The following COL18A1 variants were observed in gnomAD, a reference collection of about 807,000 sequenced individuals.
The protein encoded by COL18A1 is collagen alpha-1(XVIII) chain.
A neutral mutation model predicts 168.0 loss-of-function variants in COL18A1; 133 were observed. The ratio of observed to expected loss-of-function variants is 0.79; its 90% CI spans 0.69 to 0.91. The LOEUF (loss-of-function observed/expected upper bound fraction) is 0.91, where lower values mean the gene tolerates loss of function less well. COL18A1 is among the 40% of genes least tolerant of loss of function. The pLI is 0.00. For missense variants in COL18A1, 2,126 were observed against 1,925.4 expected, an observed-to-expected ratio of 1.10 and a Z score of -1.95; for synonymous variants, 949 against 809.0, an observed-to-expected ratio of 1.17 and a Z score of -2.94.
At position 45,437,688 on chromosome 21, in the gene COL18A1, GCA is replaced by G. The variant is rs777364868; in HGVS notation, c.107-30538_107-30537del. On this transcript the variant is annotated intron_variant, in intron 2 of 41. Coordinates refer to ENST00000651438, the MANE Select transcript of COL18A1 (RefSeq NM_001379500.1). ...CACTCAGACACACAGGCACTCTCCTGCACACACACACACACACTCAGACACAC... is the reference window on the plus strand; with the variant it reads ...CACTCAGACACACAGGCACTCTCCTGCACACACACACACACTCAGACACAC... Among the ~76,000 whole-genome samples the G allele has an allele frequency of 6.0e-3, 196 of 32,714 alleles. 11 individuals carry two copies. The highest frequency in any genetic ancestry group is 0.011 in the African/African-American group (56 of 5,032). 21.5% of individuals were successfully genotyped at this position (32,714 alleles called of 152,430 possible).
In COL18A1 at chr21:45,425,242, G is replaced by A. The variant is rs532569164; in HGVS notation, c.106+19769G>A. ...TGCTGAGTGCAGTGTGACCGCGTCCGCCCGTCTCCCCGGACACGCCTGTTG... is the reference window on the plus strand; with the variant it reads ...TGCTGAGTGCAGTGTGACCGCGTCCACCCGTCTCCCCGGACACGCCTGTTG... On this transcript the variant is annotated intron_variant, in intron 2 of 41. Transcript: ENST00000651438. This position sits in a 1 kb window ranked among gnomAD's most constrained non-coding sequence, Gnocchi z 4.1. Among the ~76,000 whole-genome samples, 31 of 151,980 alleles carry A rather than the reference G, an allele frequency of 2.0e-4. No homozygotes were observed. The highest frequency in any genetic ancestry group is 7.2e-4 in the African/African-American group (30 of 41,458).
chr21:45,487,086 T>A (rs996463518), intron 16 of COL18A1, 94 bp downstream of exon 16: 1 of 1,247,548 alleles, frequency 8.0e-7, no homozygotes, highest in African/African-American at 1.5e-5. Context: ...GAGCAGCACG[T>A]CCTGGGCGGT....
rs2035535926 is a variant in COL18A1 at position 45,473,858 on chromosome 21, A to C, written c.652-37A>C. ...GCACCGGGGTTGCCACTGCCACCTC[A>C]GGACCGCTGGTGACCCCTTTCTCTG... On this transcript the variant is annotated intron_variant, in intron 3 of 41. Transcript: ENST00000651438. This position sits in a 1 kb window ranked among gnomAD's most constrained non-coding sequence, Gnocchi z 4.0. 11 of 1,543,812 alleles carry C rather than the reference A, an allele frequency of 7.1e-6. No homozygotes were observed. The highest frequency in any genetic ancestry group is 1.4e-5 in the African/African-American group (1 of 73,214).
chr21:45,491,370 G>A, intron 22 of COL18A1, 56 bp downstream of exon 22: 2 of 996,370 alleles, frequency 2.0e-6, no homozygotes, highest in East Asian at 5.1e-5. Context: ...ACGGGGTGCA[G>A]AGATCCCTCC....
At chr21:45,440,373 C>T (rs757645009) in intron 2 of COL18A1, among the ~76,000 whole-genome samples, 24 of 152,222 alleles carry the variant, frequency 1.6e-4, no homozygotes, top group South Asian at 6.2e-4. Flanking sequence ...TTCAGGCCTG[C>T]CAGGGGTCCA....
At chr21:45,501,267 T>G (rs886269893) in intron 32 of COL18A1, among the ~76,000 whole-genome samples, 10 of 152,034 alleles carry the variant, frequency 6.6e-5, no homozygotes, top group African/African-American at 1.9e-4. Context: ...AGTGAAAAAT[T>G]GGCAAAGTGA....
At chr21:45,475,311 G>C (rs2035607855) in intron 4 of COL18A1, among the ~76,000 whole-genome samples, 165 bp from the exon 5 acceptor site, 1 of 152,244 alleles carries the variant, frequency 6.6e-6, no homozygotes, top group Non-Finnish European at 1.5e-5. Context: ...GGGAAGGCCA[G>C]CGTGCCCACC....
intron 25 of COL18A1, 31 bp from the exon 26 acceptor site, chr21:45,493,470 C>A: frequency 6.5e-7 from 1 of 1,540,818 alleles, no homozygotes; most frequent in Non-Finnish European, 8.8e-7. Context: ...AGGAGCTGGC[C>A]CTGACTCTGC....
chr21:45,490,482 C>G, intron 20 of COL18A1, 136 bp downstream of exon 20: 1 of 711,768 alleles, frequency 1.4e-6, no homozygotes, highest in Non-Finnish European at 2.3e-6. Flanking sequence ...CCCTGGGCCT[C>G]CGTGTGCCCT....
At position 45,493,156 on chromosome 21, in the gene COL18A1, A is replaced by G. The variant is rs576172127; in HGVS notation, c.2215-7A>G. The G allele has an allele frequency of 2.6e-6, 4 of 1,555,330 alleles. No individual in the cohort carries two copies. The highest frequency in any genetic ancestry group is 1.4e-5 in the African/African-American group (1 of 73,436). ...GCTCGGGCCTCACGGCCTGGCCTCC[A>G]TTCCAGGGACCTGCAGGACCCAAGG... On this transcript the variant is annotated splice_region_variant and splice_polypyrimidine_tract_variant and intron_variant, in intron 24 of 41. Coordinates refer to ENST00000651438, the MANE Select transcript of COL18A1 (RefSeq NM_001379500.1).
chr21:45,478,454 AG>A, intron 9 of COL18A1, 101 bp downstream of exon 9: 3 of 1,497,638 alleles, frequency 2.0e-6, no homozygotes, highest in Non-Finnish European at 2.8e-6. Flanking sequence ...CGACCCAGTG[AG>A]GAGACTGTAC....
chr21:45,503,471 T>G (rs1315208558), intron 32 of COL18A1, among the ~76,000 whole-genome samples: 3 of 151,958 alleles, frequency 2.0e-5, no homozygotes, highest in Non-Finnish European at 2.9e-5. Context: ...AAATGATGAG[T>G]TCATGTCCTT....
In COL18A1 at chr21:45,423,607, C is replaced by T. The variant is rs1437751243; in HGVS notation, c.106+18134C>T. Among the ~76,000 whole-genome samples, 3 of 152,156 alleles carry T rather than the reference C, an allele frequency of 2.0e-5. No homozygotes were observed. The highest frequency in any genetic ancestry group is 4.4e-5 in the Non-Finnish European group (3 of 68,024). On this transcript the variant is annotated intron_variant, in intron 2 of 41. Coordinates refer to ENST00000651438, the MANE Select transcript of COL18A1 (RefSeq NM_001379500.1). The surrounding 1 kb of genome is among the most constrained non-coding windows in gnomAD (Gnocchi z 4.0). Reference sequence around the variant, plus strand: ...CAGCCCAGGTTGTCCCCACCCCCACCTGAGTTACTGCGGAACCAAGGGGCT... The same window carrying T: ...CAGCCCAGGTTGTCCCCACCCCCACTTGAGTTACTGCGGAACCAAGGGGCT...
chr21:45,416,386 C>A (rs1030704843), intron 2 of COL18A1, among the ~76,000 whole-genome samples: 1 of 151,074 alleles, frequency 6.6e-6, no homozygotes, highest in Non-Finnish European at 1.5e-5. Flanking sequence ...TCTCCCCACG[C>A]CTGGTGTCCT....
At chr21:45,467,165 C>A in intron 2 of COL18A1, 1 of 884,648 alleles carries the variant, frequency 1.1e-6, no homozygotes, top group Non-Finnish European at 1.4e-6. Context: ...TCACTCTGAG[C>A]AGGGTCTGCC....
At chr21:45,480,980 C>A (rs1006953231) in intron 13 of COL18A1, 122 bp downstream of exon 13, 8 of 1,400,330 alleles carry the variant, frequency 5.7e-6, no homozygotes, top group Non-Finnish European at 6.8e-6. Context: ...CTCACCTCAT[C>A]TCCTCTAGGA....
In COL18A1 at chr21:45,457,078, G is replaced by C. The variant is rs2034857098; in HGVS notation, c.107-11164G>C. Among the ~76,000 whole-genome samples the C allele has an allele frequency of 1.3e-5, 2 of 152,170 alleles. No individual in the cohort carries two copies. The highest frequency in any genetic ancestry group is 2.9e-5 in the Non-Finnish European group (2 of 68,014). On this transcript the variant is annotated intron_variant, in intron 2 of 41. Coordinates refer to ENST00000651438, the MANE Select transcript of COL18A1 (RefSeq NM_001379500.1). This position sits in a 1 kb window ranked among gnomAD's most constrained non-coding sequence, Gnocchi z 4.6. ...GGAGGCCGGCGTCTGGACAGGAAGA[G>C]GGCTGGATGAACCGCAGCCGATGTG...
intron 2 of COL18A1, chr21:45,409,939 G>C (rs563270497): frequency 6.6e-6 from 1 of 152,230 alleles, no homozygotes; most frequent in African/African-American, 2.4e-5. Context: ...GTGAGGGAGC[G>C]GTGCTTACCG....
At chr21:45,432,922 C>T (rs528805778) in intron 2 of COL18A1, among the ~76,000 whole-genome samples, 12 of 152,346 alleles carry the variant, frequency 7.9e-5, no homozygotes, top group African/African-American at 2.4e-4. Flanking sequence ...CCAACCCCTC[C>T]GGCAGAGTTA....
Sources: allele counts gnomAD v4.1 joint callset (sites outside exome capture counted in the v4.1 genomes callset), GRCh38; gene constraint gnomAD v4.1.1; non-coding constraint Gnocchi (gnomAD v3.1); transcripts MANE v1.5; gene names NCBI Gene and HGNC (gene_info 2026-07-23, HGNC 2026-07-21).